RORA: variants seen among roughly 807,000 people sequenced by gnomAD.
The protein encoded by RORA is nuclear receptor ROR-alpha.
RORA carries 7 observed loss-of-function variants against 69.5 expected under a neutral mutation model. That is an observed-to-expected ratio of 0.10 (90% CI 0.06 to 0.19). The LOEUF is 0.19. RORA is among the 10% of genes least tolerant of loss of function. The probability of loss-of-function intolerance (pLI) is 1.00; values close to 1 mark genes in which losing one functional copy is unlikely to be tolerated. For missense variants in RORA, 457 were observed against 663.0 expected (o/e 0.69, Z 3.41); for synonymous variants, 261 against 240.8 (o/e 1.08, Z -0.78).
intron 1 of RORA, among the ~76,000 whole-genome samples, chr15:60,707,844 C>G (rs1473273410): frequency 6.6e-6 from 1 of 152,192 alleles, no homozygotes; most frequent in Non-Finnish European, 1.5e-5. Flanking sequence ...TGGAATATCA[C>G]CCTACTCTCT....
intron 1 of RORA, among the ~76,000 whole-genome samples, chr15:60,722,476 G>A (rs1219929489): frequency 2.0e-5 from 3 of 152,180 alleles, no homozygotes; most frequent in Non-Finnish European, 2.9e-5. Flanking sequence ...GGACTTACGT[G>A]CAGCTCTCTG....
Position 60,778,961 on chromosome 15 carries a change from C to T in RORA, c.167-100275G>A, listed in dbSNP as rs553314335. The stretch of plus-strand genomic sequence containing the variant: ...GAACTCAAAGTAAAAATGATATAGG[C>T]TTAATAATAACTTCCCAAGAAGCCT... On this transcript the variant is annotated intron_variant, in intron 1 of 10. Transcript: ENST00000335670. 2.0e-5 allele frequency among the ~76,000 whole-genome samples: 3 copies of T among 152,252 alleles called. No individual in the cohort carries two copies. In the East Asian group the frequency reaches 5.8e-4, roughly 29 times the overall value.
At chr15:60,580,750 G>A (rs1482277837) in intron 2 of RORA, among the ~76,000 whole-genome samples, 1 of 152,230 alleles carries the variant, frequency 6.6e-6, no homozygotes, top group Non-Finnish European at 1.5e-5. Flanking sequence ...ATACCTCAGT[G>A]CACTTCCTTT....
chr15:61,133,311 C>T (rs2079208700), intron 1 of RORA, among the ~76,000 whole-genome samples: 1 of 152,124 alleles, frequency 6.6e-6, no homozygotes, highest in South Asian at 2.1e-4. Context: ...GCCTTGTAAC[C>T]ATGGAATAGT....
chr15:61,191,357 C>G (rs1417488844), intron 1 of RORA, among the ~76,000 whole-genome samples: 1 of 90,188 alleles, frequency 1.1e-5, no homozygotes, highest in African/African-American at 3.9e-5. Flanking sequence ...GCTGCCATCT[C>G]CTTGTAGCAA....
intron 2 of RORA, among the ~76,000 whole-genome samples, chr15:60,555,241 A>C (rs2067323775): frequency 6.6e-6 from 1 of 151,964 alleles, no homozygotes; most frequent in Non-Finnish European, 1.5e-5. Context: ...TAAATGCATT[A>C]CTCTTACCCT....
At chr15:61,221,807 A>G (rs938699031) in intron 1 of RORA, among the ~76,000 whole-genome samples, 3 of 152,134 alleles carry the variant, frequency 2.0e-5, no homozygotes, top group African/African-American at 4.8e-5. Context: ...GAGTTTATCT[A>G]TTATGGTCTG....
At chr15:61,225,097 G>A (rs1210763155) in intron 1 of RORA, among the ~76,000 whole-genome samples, 3 of 152,088 alleles carry the variant, frequency 2.0e-5, no homozygotes, top group Non-Finnish European at 4.4e-5. Context: ...GGAAGCAACA[G>A]AAAAGGTTAT....
chr15:60,881,370 A>G (rs1478988877), intron 1 of RORA, among the ~76,000 whole-genome samples: 3 of 152,242 alleles, frequency 2.0e-5, no homozygotes, highest in Non-Finnish European at 4.4e-5. Flanking sequence ...GCTGGGACCC[A>G]GTGCTGGCCC....
At chr15:61,026,534 A>G (rs910535370) in intron 1 of RORA, among the ~76,000 whole-genome samples, 5 of 152,166 alleles carry the variant, frequency 3.3e-5, no homozygotes, top group African/African-American at 1.2e-4. Flanking sequence ...CTGGCCTGCA[A>G]TCTTTGACAC....
intron 1 of RORA, among the ~76,000 whole-genome samples, chr15:60,689,411 T>A (rs2070790988): frequency 6.6e-6 from 1 of 152,148 alleles, no homozygotes; most frequent in Non-Finnish European, 1.5e-5. Context: ...TTGACATACC[T>A]TGTTATATTT....
intron 1 of RORA, among the ~76,000 whole-genome samples, chr15:61,098,047 TTCCTTCCTTCCTTAA>T (rs1461872880): frequency 2.0e-5 from 3 of 151,672 alleles, no homozygotes; most frequent in Non-Finnish European, 4.4e-5. Context: ...CTTTCCTTCC[TTCCTTCCTTCCTTAA>T]TCCTTCCTTC....
chr15:61,038,946 T>C (rs1197059403), intron 1 of RORA: 1 of 152,248 alleles, frequency 6.6e-6, no homozygotes, highest in Non-Finnish European at 1.5e-5. Flanking sequence ...TGCTCTTCAC[T>C]GCCTTCCTTT....
intron 1 of RORA, among the ~76,000 whole-genome samples, chr15:61,185,984 G>C (rs573877760): frequency 6.6e-6 from 1 of 152,048 alleles, no homozygotes; most frequent in African/African-American, 2.4e-5. Context: ...AAGCCACAGT[G>C]GTTAACCTTC....
intron 1 of RORA, among the ~76,000 whole-genome samples, chr15:61,084,073 G>C (rs1367074289): frequency 6.6e-6 from 1 of 152,128 alleles, no homozygotes; most frequent in Admixed American, 6.5e-5. Flanking sequence ...TGAAGTGAGA[G>C]ACATAAGAAT....
intron 1 of RORA, among the ~76,000 whole-genome samples, chr15:61,014,072 C>T (rs1045036846): frequency 7.2e-5 from 11 of 151,958 alleles, no homozygotes; most frequent in East Asian, 1.9e-4. Flanking sequence ...CGTGAGCCAC[C>T]GCACCCGGCC....
intron 1 of RORA, among the ~76,000 whole-genome samples, chr15:61,020,073 G>A (rs780109168): frequency 5.3e-5 from 8 of 152,274 alleles, no homozygotes; most frequent in Non-Finnish European, 7.3e-5. Context: ...ATCACAGAAC[G>A]TCCCTTTGTA....
intron 1 of RORA, among the ~76,000 whole-genome samples, chr15:60,817,879 G>A (rs186046943): frequency 1.2e-4 from 18 of 152,328 alleles, no homozygotes; most frequent in African/African-American, 4.1e-4. Context: ...CACACAGTAG[G>A]TGCTTCATCA....
intron 1 of RORA, among the ~76,000 whole-genome samples, chr15:61,195,030 T>C (rs2079834581): frequency 6.6e-6 from 1 of 152,120 alleles, no homozygotes; most frequent in Non-Finnish European, 1.5e-5. Context: ...AATGTTGTTA[T>C]TTCAACATCA....
Sources: gnomAD v4.1 joint callset for allele counts (sites outside exome capture counted in the v4.1 genomes callset) on GRCh38, gnomAD v4.1.1 for gene constraint, MANE v1.5 for transcripts, NCBI Gene and HGNC (gene_info 2026-07-23, HGNC 2026-07-21) for gene names.